PRKCE: variants seen among roughly 807,000 people sequenced by gnomAD.
PRKCE encodes protein kinase C epsilon.
PRKCE carries 16 observed loss-of-function variants against 85.4 expected under a neutral mutation model. That is an observed-to-expected ratio of 0.19 (90% CI 0.13 to 0.28). PRKCE has a LOEUF of 0.28. Ranked by LOEUF, PRKCE falls within the 10% of genes least tolerant of loss-of-function variation. PRKCE has a pLI of 1.00. For missense variants in PRKCE, 573 were observed against 975.2 expected, an observed-to-expected ratio of 0.59 and a Z score of 5.49; for synonymous variants, 388 against 371.5, an observed-to-expected ratio of 1.04 and a Z score of -0.51.
chr2:46,037,958 G>T (rs1558380927), intron 10 of PRKCE, among the ~76,000 whole-genome samples: 1 of 152,150 alleles, frequency 6.6e-6, no homozygotes, highest in African/African-American at 2.4e-5. Context: ...AAAAATAAAT[G>T]AGGATAAGAT....
intron 1 of PRKCE, among the ~76,000 whole-genome samples, chr2:45,782,735 A>G (rs1686288147): frequency 6.6e-6 from 1 of 152,162 alleles, no homozygotes. Flanking sequence ...CAAACAATCT[A>G]TACACACACA....
intron 2 of PRKCE, among the ~76,000 whole-genome samples, chr2:45,947,905 T>C (rs1412918774): frequency 1.3e-5 from 2 of 152,236 alleles, no homozygotes; most frequent in Non-Finnish European, 2.9e-5. Flanking sequence ...AGTTTGGAGT[T>C]GTAAAAATGA....
Position 45,831,427 on chromosome 2 carries a change from A to T in PRKCE, c.349-11573A>T, listed in dbSNP as rs569666205. Among the ~76,000 whole-genome samples the T allele has an allele frequency of 4.6e-5, 7 of 152,304 alleles. No homozygotes were observed. The East Asian group carries it at 1.4e-3, about 29-fold the overall frequency. On this transcript the variant is annotated intron_variant, in intron 1 of 14. Coordinates refer to ENST00000306156, the MANE Select transcript of PRKCE (RefSeq NM_005400.3). ...TGGGATGGAGGGTGGCAGGCAGAGG[A>T]TGGGGAATGCTGGAAGCACTAATGT...
chr2:45,954,157 T>C (rs1700818004), intron 2 of PRKCE, among the ~76,000 whole-genome samples: 1 of 152,212 alleles, frequency 6.6e-6, no homozygotes, highest in African/African-American at 2.4e-5. Context: ...CGCAGGGACT[T>C]TGTGTGGCCC....
intron 2 of PRKCE, among the ~76,000 whole-genome samples, chr2:45,961,504 G>A (rs1701375406): frequency 6.6e-6 from 1 of 152,134 alleles, no homozygotes; most frequent in South Asian, 2.1e-4. Context: ...TTGTTTGAGG[G>A]GGGAATGTCC....
chr2:45,910,945 T>C (rs1385794714), intron 2 of PRKCE, among the ~76,000 whole-genome samples: 1 of 152,006 alleles, frequency 6.6e-6, no homozygotes, highest in Non-Finnish European at 1.5e-5. Context: ...CTTGGGTGTG[T>C]AGGAGGAGAA....
intron 10 of PRKCE, among the ~76,000 whole-genome samples, chr2:46,051,053 C>A (rs374077400): frequency 6.6e-6 from 1 of 152,176 alleles, no homozygotes; most frequent in African/African-American, 2.4e-5. Flanking sequence ...ATATGTGCAT[C>A]GTGTCAGGTG....
intron 1 of PRKCE, among the ~76,000 whole-genome samples, chr2:45,807,515 G>T (rs1344249015): frequency 6.6e-6 from 1 of 152,220 alleles, no homozygotes; most frequent in Non-Finnish European, 1.5e-5. Flanking sequence ...ACAGCAAAGG[G>T]TACAGAAAAG....
intron 1 of PRKCE, among the ~76,000 whole-genome samples, chr2:45,753,275 G>A (rs1683734172): frequency 6.6e-6 from 1 of 152,116 alleles, no homozygotes; most frequent in African/African-American, 2.4e-5. Context: ...CAGTACCTGG[G>A]CCTGACAATG....
intron 10 of PRKCE, among the ~76,000 whole-genome samples, chr2:46,051,020 G>A (rs1164032307): frequency 6.6e-6 from 1 of 152,158 alleles, no homozygotes; most frequent in Non-Finnish European, 1.5e-5. Context: ...CCAAATGAGA[G>A]AGGGAAAGGA....
chr2:45,799,121 G>A (rs1331241009), intron 1 of PRKCE, among the ~76,000 whole-genome samples: 2 of 151,028 alleles, frequency 1.3e-5, no homozygotes, highest in East Asian at 1.9e-4. Flanking sequence ...ACCTGAGATC[G>A]TGCCACGGCA....
chr2:46,108,487 T>C (rs2104187338), intron 11 of PRKCE, among the ~76,000 whole-genome samples: 1 of 152,226 alleles, frequency 6.6e-6, no homozygotes, highest in Middle Eastern at 3.4e-3. Context: ...GAGTGTGGAA[T>C]GATGGACAGT....
chr2:45,862,183 TACAC>T (rs6146747), intron 2 of PRKCE, among the ~76,000 whole-genome samples: 5,046 of 143,866 alleles, frequency 0.035, 93 homozygotes, highest in African/African-American at 0.035. Context: ...TCTTCTTGTA[TACAC>T]ACACACACAC....
intron 1 of PRKCE, among the ~76,000 whole-genome samples, chr2:45,716,537 A>C (rs535644801): frequency 4.2e-5 from 6 of 142,802 alleles, no homozygotes; most frequent in African/African-American, 1.5e-4. Context: ...AAAAGAAAGA[A>C]AGAAAAAGAA....
At chr2:45,878,097 G>A (rs897472373) in intron 2 of PRKCE, among the ~76,000 whole-genome samples, 1 of 152,378 alleles carries the variant, frequency 6.6e-6, no homozygotes, top group African/African-American at 2.4e-5. Flanking sequence ...CTTGGCTGCA[G>A]CACCTGATTA....
intron 1 of PRKCE, among the ~76,000 whole-genome samples, chr2:45,665,166 A>G (rs974209310): frequency 6.6e-6 from 1 of 152,250 alleles, no homozygotes; most frequent in African/African-American, 2.4e-5. Context: ...ATTTTACATA[A>G]TTTACATTTA....
chr2:46,128,581 C>G (rs1338875488), intron 11 of PRKCE, among the ~76,000 whole-genome samples: 3 of 152,068 alleles, frequency 2.0e-5, no homozygotes, highest in Non-Finnish European at 4.4e-5. Context: ...TTCTCCTGCT[C>G]AATCTCAGGC....
chr2:46,120,839 A>G (rs1673246087), intron 11 of PRKCE, among the ~76,000 whole-genome samples: 1 of 152,236 alleles, frequency 6.6e-6, no homozygotes, highest in Non-Finnish European at 1.5e-5. Flanking sequence ...GTCAAGAAGT[A>G]TATTTAATCT....
intron 14 of PRKCE, among the ~76,000 whole-genome samples, chr2:46,182,541 C>T (rs779701302): frequency 7.9e-5 from 12 of 152,088 alleles, no homozygotes; most frequent in South Asian, 4.1e-4. Flanking sequence ...TCTGGGGATC[C>T]CTTGGGTTTT....
Sources: allele counts gnomAD v4.1 joint callset (sites outside exome capture counted in the v4.1 genomes callset), GRCh38; gene constraint gnomAD v4.1.1; transcripts MANE v1.5; gene names NCBI Gene and HGNC (gene_info 2026-07-23, HGNC 2026-07-21).